Variants in GPHN observed in about 807,000 individuals in gnomAD.
GPHN encodes the protein gephyrin.
A neutral mutation model predicts 95.5 loss-of-function variants in GPHN; 17 were observed. The observed-to-expected ratio is 0.18, with a 90% CI of 0.12 to 0.27. The LOEUF is 0.27. Among genes scored for constraint, GPHN ranks in the 10% least tolerant of loss-of-function variants. GPHN has a pLI of 1.00. For missense variants in GPHN, 660 were observed against 978.1 expected (o/e 0.67, Z 4.34); for synonymous variants, 320 against 322.5 (o/e 0.99, Z 0.08).
intron 8 of GPHN, among the ~76,000 whole-genome samples, chr14:66,961,846 A>AT (rs200967362): frequency 0.019 from 2,723 of 139,830 alleles, 38 homozygotes; most frequent in Non-Finnish European, 0.028. Context: ...CAACTTAGAA[A>AT]TTTTTTAAAG....
chr14:67,039,373 A>G (rs1010279855), intron 10 of GPHN, among the ~76,000 whole-genome samples: 5 of 152,162 alleles, frequency 3.3e-5, no homozygotes, highest in African/African-American at 9.7e-5. Flanking sequence ...GTTATCTTAC[A>G]TAGTGTTTTG....
At chr14:67,392,779 G>A in the GPHN span, 3 of 1,614,066 alleles carry the variant, frequency 1.9e-6, no homozygotes, top group South Asian at 1.1e-5. Flanking sequence ...TGAGCATGGA[G>A]GCCAGGGTCA....
chr14:66,792,996 T>C (rs1350290380), intron 3 of GPHN, among the ~76,000 whole-genome samples: 1 of 152,278 alleles, frequency 6.6e-6, no homozygotes, highest in Non-Finnish European at 1.5e-5. Flanking sequence ...CATGCTATTG[T>C]TTGTGGTTTA....
At chr14:67,597,454 G>A in the GPHN span, among the ~76,000 whole-genome samples, 1 of 152,090 alleles carries the variant, frequency 6.6e-6, no homozygotes, top group East Asian at 1.9e-4. Context: ...CTCCAGCCTG[G>A]GCAACAGAGT....
At chr14:67,410,653 G>C in the GPHN span, among the ~76,000 whole-genome samples, 2 of 152,176 alleles carry the variant, frequency 1.3e-5, no homozygotes, top group South Asian at 2.1e-4. Flanking sequence ...GACACATTTT[G>C]TGGGGAAAAT....
At chr14:66,984,736 A>G (rs2070902867) in intron 9 of GPHN, among the ~76,000 whole-genome samples, 1 of 152,130 alleles carries the variant, frequency 6.6e-6, no homozygotes, top group African/African-American at 2.4e-5. Flanking sequence ...TATAAGCAGG[A>G]ACATCACAGC....
rs1435347673 is a variant in GPHN, at chr14:66,833,349, A to G, written c.294+8783A>G. ...CTATCATGAGAACCATGAGAAAAGC[A>G]TGAGGGTAACTGCCCCATGATTAAA... is the stretch of plus-strand genomic sequence containing the variant. On this transcript the variant is annotated intron_variant, in intron 4 of 22. Coordinates refer to ENST00000478722, the MANE Select transcript of GPHN (RefSeq NM_020806.5). Among the ~76,000 whole-genome samples the G allele has an allele frequency of 2.6e-5, 4 of 152,262 alleles. No individual in the cohort carries two copies. In the East Asian group the frequency reaches 7.7e-4, roughly 29 times the overall value.
At chr14:67,603,970 C>T in the GPHN span, among the ~76,000 whole-genome samples, 18 of 152,228 alleles carry the variant, frequency 1.2e-4, no homozygotes, top group African/African-American at 3.1e-4. Flanking sequence ...CGTGAGCCAC[C>T]GCTCCCAGCC....
At chr14:67,338,409 T>C in the GPHN span, 12 of 509,472 alleles carry the variant, frequency 2.4e-5, no homozygotes, top group Non-Finnish European at 4.1e-5. Flanking sequence ...TGTAAGTTCC[T>C]GGGCAGGTTT....
chr14:67,647,118 C>A, the GPHN span: 1 of 833,948 alleles, frequency 1.2e-6, no homozygotes, highest in Admixed American at 2.3e-5. Flanking sequence ...TTTTAAAATA[C>A]AAAGCAAAAA....
At chr14:67,439,562 T>TTTC in the GPHN span, among the ~76,000 whole-genome samples, 2 of 138,622 alleles carry the variant, frequency 1.4e-5, no homozygotes, top group East Asian at 2.1e-4. Context: ...TCTTTCTTTC[T>TTTC]TTCTTTCTTT....
the GPHN span, among the ~76,000 whole-genome samples, chr14:67,719,151 C>T: frequency 6.6e-6 from 1 of 152,182 alleles, no homozygotes; most frequent in Admixed American, 6.5e-5. Flanking sequence ...ACAGAGGTTA[C>T]AATCATTGCC....
In GPHN at chr14:66,728,995, G is replaced by T. The variant is rs531318713; in HGVS notation, c.144-47469G>T. ...TGGTGGGAGGTAATTGAATAATGGG[G>T]TTGAGTCTTTCCAATGCTGTTCTTG... On this transcript the variant is annotated intron_variant, in intron 2 of 22. Transcript: ENST00000478722. Among the ~76,000 whole-genome samples, 8 of 152,242 alleles carry T rather than the reference G, an allele frequency of 5.3e-5. 1 individual carries two copies. The South Asian group carries it at 1.7e-3, about 32-fold the overall frequency.
At chr14:67,646,095 T>G in the GPHN span, among the ~76,000 whole-genome samples, 1 of 152,218 alleles carries the variant, frequency 6.6e-6, no homozygotes, top group Non-Finnish European at 1.5e-5. Flanking sequence ...TCAGACACAC[T>G]GATCTAGAAG....
the GPHN span, among the ~76,000 whole-genome samples, chr14:67,428,674 C>T: frequency 1.3e-5 from 2 of 152,274 alleles, no homozygotes; most frequent in Non-Finnish European, 2.9e-5. Context: ...AGTCTGTCCT[C>T]ACCAGCTATT....
chr14:67,247,455 T>C, the GPHN span, among the ~76,000 whole-genome samples: 1 of 152,340 alleles, frequency 6.6e-6, no homozygotes, highest in Non-Finnish European at 1.5e-5. Flanking sequence ...ACAGTCGTGC[T>C]CAAAACTTTT....
chr14:66,594,725 T>C (rs183248752), intron 1 of GPHN, among the ~76,000 whole-genome samples: 1 of 152,216 alleles, frequency 6.6e-6, no homozygotes, highest in Non-Finnish European at 1.5e-5. Context: ...AGTAAATAAA[T>C]CATAGGAGAA....
intron 11 of GPHN, among the ~76,000 whole-genome samples, chr14:67,087,833 A>T (rs543441466): frequency 2.5e-4 from 38 of 152,198 alleles, no homozygotes; most frequent in Middle Eastern, 3.2e-3. Context: ...ATCAAGTCCT[A>T]TATTACTTGT....
At chr14:66,786,041 T>C (rs931727524) in intron 3 of GPHN, among the ~76,000 whole-genome samples, 17 of 151,880 alleles carry the variant, frequency 1.1e-4, no homozygotes, top group African/African-American at 4.1e-4. Context: ...AAGAAAACAA[T>C]GAATTAAGTA....
Sources: allele counts gnomAD v4.1 joint callset (sites outside exome capture counted in the v4.1 genomes callset), GRCh38; gene constraint gnomAD v4.1.1; transcripts MANE v1.5; gene names NCBI Gene and HGNC (gene_info 2026-07-23, HGNC 2026-07-21).